Variants in ORC5 observed in about 807,000 individuals in gnomAD.
The protein encoded by ORC5 is origin recognition complex subunit 5.
In ORC5, 39 loss-of-function variants were observed where a neutral mutation model predicts 58.8. The ratio of observed to expected loss-of-function variants is 0.66; its 90% CI spans 0.51 to 0.87. ORC5 has a LOEUF of 0.87. Ranked by LOEUF, ORC5 falls within the 40% of genes least tolerant of loss-of-function variation. ORC5 has a pLI of 0.00. For missense variants in ORC5, 493 were observed against 506.3 expected (o/e 0.97, Z 0.25); for synonymous variants, 218 against 177.6 (o/e 1.23, Z -1.81).
rs914876888 is a variant in ORC5, at chr7:104,126,627, A to T, written c.*221T>A. On this transcript the variant is annotated 3_prime_UTR_variant, in exon 14 of 14. Transcript: ENST00000297431. ...TCAAACCCTGCTGTTTATAATTAAC[A>T]CGTTGCTTCCAAATACTCCAGGGTC... 9 of 470,050 alleles carry T rather than the reference A, an allele frequency of 1.9e-5. No individual in the cohort carries two copies. The highest frequency in any genetic ancestry group is 1.8e-4 in the African/African-American group (9 of 49,518). The allele number at this position is 470,050 out of a possible 1,614,324, so 29.1% of individuals were successfully genotyped here.
chr7:104,128,680 C>A (rs1338073717), intron 13 of ORC5, among the ~76,000 whole-genome samples: 1 of 124,620 alleles, frequency 8.0e-6, no homozygotes, highest in Non-Finnish European at 1.7e-5. Flanking sequence ...CCCCCTCCCC[C>A]CCACCCCACA....
At chr7:104,178,491 T>C (rs1316676155) in intron 8 of ORC5, among the ~76,000 whole-genome samples, 3 of 152,112 alleles carry the variant, frequency 2.0e-5, no homozygotes, top group African/African-American at 7.2e-5. Context: ...TTGCAAAAAT[T>C]TTCTCCCATT....
chr7:104,166,654 T>C lies in ORC5; in HGVS notation c.990+118A>G. 3 of 620,688 alleles carry C rather than the reference T, an allele frequency of 4.8e-6. 1 individual carries two copies. In the South Asian group the frequency reaches 6.1e-5, roughly 13 times the overall value. The allele number at this position is 620,688 out of a possible 1,614,324, so 38.4% of individuals were successfully genotyped here. On this transcript the variant is annotated intron_variant, in intron 10 of 13. Coordinates refer to ENST00000297431, the MANE Select transcript of ORC5 (RefSeq NM_002553.4). ...AAGCCTTTAAAGAATGAGTCCTAAA[T>C]ACATATTTGGCAATCTTATTCTAAT... is the stretch of plus-strand genomic sequence containing the variant.
intron 12 of ORC5, among the ~76,000 whole-genome samples, chr7:104,139,742 G>T (rs1006738852): frequency 3.3e-5 from 5 of 151,960 alleles, no homozygotes; most frequent in African/African-American, 1.2e-4. Context: ...GCGTTGAAAA[G>T]AATATGTATT....
At chr7:104,192,805 T>C (rs2160397) in intron 5 of ORC5, among the ~76,000 whole-genome samples, 63,921 of 149,852 alleles carry the variant, frequency 0.43, 15,880 homozygotes, top group Non-Finnish European at 0.57. Context: ...AACAAAAGCA[T>C]AATGAGATCA....
chr7:104,155,173 G>A (rs987142970), intron 12 of ORC5, among the ~76,000 whole-genome samples: 2 of 151,644 alleles, frequency 1.3e-5, no homozygotes, highest in South Asian at 2.1e-4. Context: ...AAGTTAAATC[G>A]ATGTAACAAA....
intron 6 of ORC5, 91 bp downstream of exon 6, chr7:104,188,160 G>T: frequency 1.9e-6 from 2 of 1,029,930 alleles, no homozygotes; most frequent in South Asian, 2.5e-5. Flanking sequence ...TTTCTACATG[G>T]AAAACATTAA....
At chr7:104,151,206 C>CA (rs554531648) in intron 12 of ORC5, among the ~76,000 whole-genome samples, 42 of 151,478 alleles carry the variant, frequency 2.8e-4, no homozygotes, top group South Asian at 1.7e-3. Flanking sequence ...TGTAACTCAT[C>CA]AAAAAAAAGT....
At chr7:104,165,193 C>A in intron 11 of ORC5, 42 bp downstream of exon 11, 1 of 990,334 alleles carries the variant, frequency 1.0e-6, no homozygotes, top group Admixed American at 2.4e-5. Context: ...ATATTATCTT[C>A]ATTTCCTAAG....
At chr7:104,132,351 A>T (rs1798526011) in intron 13 of ORC5, among the ~76,000 whole-genome samples, 7 of 152,122 alleles carry the variant, frequency 4.6e-5, no homozygotes, top group Admixed American at 4.6e-4. Context: ...ATTTTCAATA[A>T]CTCTATAAAA....
At chr7:104,165,604 T>C in intron 10 of ORC5, 1 of 197,840 alleles carries the variant, frequency 5.1e-6, no homozygotes, top group African/African-American at 2.4e-5. Context: ...CTTCCAGAGA[T>C]ATGGATTTTT....
At chr7:104,154,209 C>A (rs1047685628) in intron 12 of ORC5, among the ~76,000 whole-genome samples, 6 of 152,010 alleles carry the variant, frequency 3.9e-5, no homozygotes, top group African/African-American at 1.2e-4. Flanking sequence ...TTGAGATTGT[C>A]TGACACCAAT....
Position 104,188,473 on chromosome 7 carries a change from A to C in ORC5, c.554-92T>G, listed in dbSNP as rs562703264. 257 of 893,974 alleles carry C rather than the reference A, an allele frequency of 2.9e-4. No homozygotes were observed. The African/African-American group carries it at 3.8e-3, about 13-fold the overall frequency. 55.4% of individuals were successfully genotyped at this position (893,974 alleles called of 1,614,324 possible). A position where few individuals can be genotyped will look rare whatever the true frequency, so the allele number is the denominator to read the frequency against. ...TTATAACAAAGGTATTAAAAAAAAA[A>C]CACCCAGACCCAGCAACAATTAAGG... On this transcript the variant is annotated intron_variant, in intron 5 of 13. Coordinates refer to ENST00000297431, the MANE Select transcript of ORC5 (RefSeq NM_002553.4).
chr7:104,151,005 G>A (rs889835010), intron 12 of ORC5, among the ~76,000 whole-genome samples: 1 of 152,124 alleles, frequency 6.6e-6, no homozygotes, highest in Non-Finnish European at 1.5e-5. Flanking sequence ...CGTAAAAAGA[G>A]AGCTCGATAG....
intron 4 of ORC5, 67 bp downstream of exon 4, chr7:104,197,658 G>T: frequency 9.5e-7 from 1 of 1,052,714 alleles, no homozygotes; most frequent in South Asian, 1.6e-5. Flanking sequence ...ATAGCAAAAT[G>T]AAAAACTTTT....
chr7:104,153,499 T>G lies in ORC5; in HGVS notation c.1149+7573A>C, dbSNP rs1287939530. Among the ~76,000 whole-genome samples the G allele has an allele frequency of 2.6e-5, 4 of 152,034 alleles. 1 individual carries two copies. The highest frequency in any genetic ancestry group is 2.0e-4 in the Admixed American group (3 of 15,248). On this transcript the variant is annotated intron_variant, in intron 12 of 13. Coordinates refer to ENST00000297431, the MANE Select transcript of ORC5 (RefSeq NM_002553.4). ...AATGTCTCACAATCTCAGTTGTTGTTAAGAAAAAAACATAGTAAGATTATT... is the reference window on the plus strand; with the variant it reads ...AATGTCTCACAATCTCAGTTGTTGTGAAGAAAAAAACATAGTAAGATTATT...
chr7:104,134,548 A>T (rs1475630703), intron 13 of ORC5, among the ~76,000 whole-genome samples: 2 of 152,034 alleles, frequency 1.3e-5, no homozygotes, highest in African/African-American at 4.8e-5. Context: ...AGGGAAATAG[A>T]GCCAGATTGC....
intron 7 of ORC5, 37 bp from the exon 8 acceptor site, chr7:104,184,070 C>A: frequency 6.3e-7 from 1 of 1,590,140 alleles, no homozygotes; most frequent in South Asian, 1.1e-5. Flanking sequence ...TAATTTATAT[C>A]TTGTAAAAAC....
intron 12 of ORC5, among the ~76,000 whole-genome samples, chr7:104,148,625 C>T (rs1212984701): frequency 6.6e-6 from 1 of 152,088 alleles, no homozygotes; most frequent in Non-Finnish European, 1.5e-5. Context: ...AGTTTGATGT[C>T]ACAAAAGTAA....
Sources: allele counts gnomAD v4.1 joint callset (sites outside exome capture counted in the v4.1 genomes callset), GRCh38; gene constraint gnomAD v4.1.1; transcripts MANE v1.5; gene names NCBI Gene and HGNC (gene_info 2026-07-23, HGNC 2026-07-21).